CSGALNACT1: variants seen among roughly 807,000 people sequenced by gnomAD.
The protein encoded by CSGALNACT1 is beta4GalNAcT-1.
Under a neutral mutation model 51.0 loss-of-function variants are expected in CSGALNACT1, and 52 were observed. The ratio of observed to expected loss-of-function variants is 1.02; its 90% confidence interval spans 0.82 to 1.29. The LOEUF (loss-of-function observed/expected upper bound fraction) is 1.29, where lower values mean the gene tolerates loss of function less well. Among genes scored for constraint, CSGALNACT1 ranks in the 50% most tolerant of loss-of-function variants. CSGALNACT1 has a pLI of 0.00. For synonymous variants in CSGALNACT1, 341 were observed against 254.4 expected, an observed-to-expected ratio of 1.34 and a Z score of -3.24; for missense variants, 935 against 679.2, an observed-to-expected ratio of 1.38 and a Z score of -4.19.
chr8:19,543,555 G>C (rs1338686929), intron 3 of CSGALNACT1, among the ~76,000 whole-genome samples: 1 of 152,182 alleles, frequency 6.6e-6, no homozygotes, highest in Non-Finnish European at 1.5e-5. Context: ...GAATGCCTAA[G>C]TGACTATCTT....
intron 5 of CSGALNACT1, among the ~76,000 whole-genome samples, chr8:19,449,504 T>C (rs1356501448): frequency 6.6e-6 from 1 of 152,206 alleles, no homozygotes; most frequent in African/African-American, 2.4e-5. Flanking sequence ...AGCCTCACTA[T>C]AACATTCCAG....
intron 6 of CSGALNACT1, among the ~76,000 whole-genome samples, chr8:19,439,514 C>T (rs2060951251): frequency 6.6e-6 from 1 of 152,200 alleles, no homozygotes; most frequent in African/African-American, 2.4e-5. Flanking sequence ...GAAGTCCCCA[C>T]ATCTATAGTG....
intron 8 of CSGALNACT1, among the ~76,000 whole-genome samples, chr8:19,418,019 A>G (rs1472329241): frequency 2.6e-5 from 4 of 152,184 alleles, no homozygotes; most frequent in African/African-American, 9.7e-5. Context: ...TGCATCCACT[A>G]TCCATCACCT....
rs76850968 is a variant in CSGALNACT1 at position 19,423,211 on chromosome 8, G to A, written c.954-2693C>T. ...TAATAGGCTGCATTAAATGAGCTGC[G>A]ACATCAAGAATCTCCCCCTTGAACA... On this transcript the variant is annotated intron_variant, in intron 6 of 9. Coordinates refer to ENST00000454498, the Ensembl canonical transcript of CSGALNACT1. Among the ~76,000 whole-genome samples the A allele has an allele frequency of 9.2e-3, 1,402 of 152,268 alleles. 14 individuals carry two copies. The highest frequency in any genetic ancestry group is 0.015 in the South Asian group (71 of 4,824).
chr8:19,407,447 C>T (rs2054468128), intron 9 of CSGALNACT1, among the ~76,000 whole-genome samples: 1 of 152,144 alleles, frequency 6.6e-6, no homozygotes, highest in African/African-American at 2.4e-5. Context: ...TGAGCCCCTG[C>T]ACCTGAGATC....
At chr8:19,647,031 C>A (rs79183043) in intron 1 of CSGALNACT1, among the ~76,000 whole-genome samples, 4 of 152,080 alleles carry the variant, frequency 2.6e-5, no homozygotes, top group Admixed American at 2.0e-4. Context: ...AGCTTACCAC[C>A]GAGCACCTGT....
At chr8:19,661,937 T>A (rs1340253174) in intron 1 of CSGALNACT1, among the ~76,000 whole-genome samples, 2 of 152,136 alleles carry the variant, frequency 1.3e-5, no homozygotes, top group Non-Finnish European at 2.9e-5. Context: ...TAGTTCAAGA[T>A]TTGGTGAAGC....
chr8:19,413,141 A>G (rs1366494285), intron 8 of CSGALNACT1, among the ~76,000 whole-genome samples: 1 of 152,178 alleles, frequency 6.6e-6, no homozygotes, highest in Non-Finnish European at 1.5e-5. Flanking sequence ...AGTCTTTTCT[A>G]GGTGTTTTCA....
At chr8:19,541,727 T>A (rs2085214618) in intron 3 of CSGALNACT1, among the ~76,000 whole-genome samples, 1 of 151,840 alleles carries the variant, frequency 6.6e-6, no homozygotes, top group Non-Finnish European at 1.5e-5. Context: ...TATTAAGTAA[T>A]TTTTACTATT....
At chr8:19,544,088 TTA>T (rs199962411) in intron 3 of CSGALNACT1, among the ~76,000 whole-genome samples, 121 of 147,806 alleles carry the variant, frequency 8.2e-4, no homozygotes, top group African/African-American at 2.5e-3. Flanking sequence ...TTTTTTTTTT[TTA>T]AACAAGTTGT....
intron 1 of CSGALNACT1, among the ~76,000 whole-genome samples, chr8:19,667,564 C>T (rs185219370): frequency 2.6e-5 from 4 of 152,270 alleles, no homozygotes; most frequent in African/African-American, 9.6e-5. Context: ...GTGTTCCACC[C>T]CCTTTGAACC....
chr8:19,575,882 T>C (rs1473420451), intron 3 of CSGALNACT1, among the ~76,000 whole-genome samples: 1 of 152,176 alleles, frequency 6.6e-6, no homozygotes, highest in Non-Finnish European at 1.5e-5. Context: ...GAGAGTTCAT[T>C]GTACCATACT....
chr8:19,720,155 C>A (rs746328175), intron 1 of CSGALNACT1, among the ~76,000 whole-genome samples: 1 of 152,234 alleles, frequency 6.6e-6, no homozygotes, highest in Non-Finnish European at 1.5e-5. Context: ...TCTGGAGCCA[C>A]TACCCCTGTC....
chr8:19,528,739 TC>T (rs2154050656), intron 3 of CSGALNACT1, among the ~76,000 whole-genome samples: 1 of 152,310 alleles, frequency 6.6e-6, no homozygotes, highest in South Asian at 2.1e-4. Flanking sequence ...GTATGCATTC[TC>T]CTTTGCAGCA....
chr8:19,431,008 T>G (rs2059577170), intron 6 of CSGALNACT1, among the ~76,000 whole-genome samples: 1 of 152,186 alleles, frequency 6.6e-6, no homozygotes, highest in Non-Finnish European at 1.5e-5. Context: ...GAAATACAAT[T>G]AACCTTTGTA....
intron 4 of CSGALNACT1, among the ~76,000 whole-genome samples, chr8:19,479,555 T>C (rs1563635112): frequency 6.6e-6 from 1 of 152,222 alleles, no homozygotes; most frequent in Admixed American, 6.5e-5. Context: ...GCTTATTATG[T>C]TTTAACTACA....
intron 1 of CSGALNACT1, among the ~76,000 whole-genome samples, chr8:19,614,443 G>A (rs1183965825): frequency 6.6e-6 from 1 of 152,110 alleles, no homozygotes; most frequent in Non-Finnish European, 1.5e-5. Context: ...GTGGGTTGGG[G>A]ATGTTCAGTT....
intron 1 of CSGALNACT1, among the ~76,000 whole-genome samples, chr8:19,681,719 A>T (rs150671397): frequency 6.6e-6 from 1 of 151,578 alleles, no homozygotes; most frequent in Non-Finnish European, 1.5e-5. Flanking sequence ...TGCTCCCTCA[A>T]CTCCTCCCAT....
At chr8:19,460,637 G>C (rs2065155714) in intron 4 of CSGALNACT1, among the ~76,000 whole-genome samples, 2 of 152,172 alleles carry the variant, frequency 1.3e-5, no homozygotes, top group Admixed American at 1.3e-4. Context: ...TGGAGTTTCA[G>C]TTACAGTGAC....
Sources: allele counts gnomAD v4.1 joint callset (sites outside exome capture counted in the v4.1 genomes callset), GRCh38; gene constraint gnomAD v4.1.1; transcripts MANE v1.5; gene names NCBI Gene and HGNC (gene_info 2026-07-23, HGNC 2026-07-21).